DOCK3: variants seen among roughly 807,000 people sequenced by gnomAD.
DOCK3 encodes the protein dedicator of cytokinesis 3.
In DOCK3, 60 loss-of-function variants were observed where a neutral mutation model predicts 265.6. That is an observed-to-expected ratio of 0.23 (90% CI 0.18 to 0.28). The LOEUF (loss-of-function observed/expected upper bound fraction) is 0.28. DOCK3 is among the 10% of genes least tolerant of loss of function. The probability of loss-of-function intolerance (pLI) is 1.00; values close to 1 mark genes in which losing one functional copy is unlikely to be tolerated. For missense variants in DOCK3, 1,981 were observed against 2,594.3 expected, an observed-to-expected ratio of 0.76 and a Z score of 5.14; for synonymous variants, 881 against 938.0, an observed-to-expected ratio of 0.94 and a Z score of 1.11.
chr3:51,307,505 T>C (rs2082749892), intron 27 of DOCK3, among the ~76,000 whole-genome samples: 1 of 152,206 alleles, frequency 6.6e-6, no homozygotes, highest in Non-Finnish European at 1.5e-5. Context: ...ACTGAACAGA[T>C]ATTTTCTTAA....
intron 1 of DOCK3, among the ~76,000 whole-genome samples, chr3:50,705,499 T>G (rs2107855970): frequency 6.6e-6 from 1 of 152,274 alleles, no homozygotes; most frequent in South Asian, 2.1e-4. Flanking sequence ...CACTGCAACC[T>G]CCGCCTGCTG....
intron 10 of DOCK3, among the ~76,000 whole-genome samples, chr3:51,151,288 A>G (rs1366556362): frequency 6.6e-6 from 1 of 152,130 alleles, no homozygotes; most frequent in East Asian, 1.9e-4. Flanking sequence ...GTGTCTTTTA[A>G]TTGGGGCATT....
chr3:50,981,227 A>G (rs1207471069), intron 5 of DOCK3, among the ~76,000 whole-genome samples: 4 of 152,164 alleles, frequency 2.6e-5, no homozygotes, highest in Non-Finnish European at 5.9e-5. Flanking sequence ...GAGCATGTTT[A>G]ATTTGCATGT....
At chr3:50,949,074 C>T (rs1425172160) in intron 5 of DOCK3, among the ~76,000 whole-genome samples, 2 of 152,174 alleles carry the variant, frequency 1.3e-5, no homozygotes, top group Middle Eastern at 3.4e-3. Flanking sequence ...TACCTTACAC[C>T]ATGTACTAGA....
intron 19 of DOCK3, among the ~76,000 whole-genome samples, chr3:51,235,599 C>T (rs2355943): frequency 0.82 from 125,104 of 152,092 alleles, 52,040 homozygotes; most frequent in Middle Eastern, 0.9. Context: ...ATCATTATTA[C>T]CCCTATCTAC....
chr3:51,159,111 A>G (rs945362068), intron 10 of DOCK3, 133 bp from the exon 11 acceptor site: 4 of 674,836 alleles, frequency 5.9e-6, no homozygotes, highest in Non-Finnish European at 9.9e-6. Flanking sequence ...ATAAACCATT[A>G]AAGTGCTATA....
intron 9 of DOCK3, among the ~76,000 whole-genome samples, chr3:51,100,943 C>T (rs1200977991): frequency 4.6e-5 from 7 of 151,172 alleles, no homozygotes; most frequent in Non-Finnish European, 8.8e-5. Flanking sequence ...TACAGGTGCA[C>T]GCCACCACGC....
At chr3:50,975,045 G>C (rs1052160624) in intron 5 of DOCK3, among the ~76,000 whole-genome samples, 1 of 151,674 alleles carries the variant, frequency 6.6e-6, no homozygotes, top group Non-Finnish European at 1.5e-5. Flanking sequence ...TTTGGGCTGA[G>C]ACAGTGGGAT....
At chr3:50,877,471 A>T (rs1559756829) in intron 3 of DOCK3, 2 of 520,082 alleles carry the variant, frequency 3.8e-6, no homozygotes, top group Admixed American at 1.9e-5. Flanking sequence ...GCCAAATCAG[A>T]ATTTATTTCA....
At chr3:50,901,744 C>G (rs1317844190) in intron 4 of DOCK3, 1 of 451,734 alleles carries the variant, frequency 2.2e-6, no homozygotes, top group Admixed American at 2.4e-5. Context: ...GACCCTCTTG[C>G]TCTTGCTGGG....
chr3:51,144,967 T>TA (rs1355713404), intron 9 of DOCK3, among the ~76,000 whole-genome samples: 1 of 152,174 alleles, frequency 6.6e-6, no homozygotes, highest in Non-Finnish European at 1.5e-5. Flanking sequence ...GAGGTGGGAA[T>TA]GAGATTCTGC....
intron 22 of DOCK3, among the ~76,000 whole-genome samples, chr3:51,252,010 C>G (rs2079273784): frequency 6.6e-6 from 1 of 152,158 alleles, no homozygotes; most frequent in African/African-American, 2.4e-5. Context: ...ACATTTAAGT[C>G]TTTAATCCAT....
At chr3:50,703,126 C>T (rs1453930682) in intron 1 of DOCK3, among the ~76,000 whole-genome samples, 4 of 151,946 alleles carry the variant, frequency 2.6e-5, no homozygotes, top group South Asian at 2.1e-4. Flanking sequence ...TTCATTTTGT[C>T]GATGTGATAT....
At chr3:51,101,005 A>G (rs893383700) in intron 9 of DOCK3, among the ~76,000 whole-genome samples, 1 of 149,786 alleles carries the variant, frequency 6.7e-6, no homozygotes, top group Non-Finnish European at 1.5e-5. Context: ...ACATCTTGCT[A>G]TGTTGCCCAG....
rs1476538320 is a variant in DOCK3 at position 50,890,273 on chromosome 3, A to T, written c.218+192A>T. Among the ~76,000 whole-genome samples the T allele has an allele frequency of 2.0e-5, 3 of 152,094 alleles. No homozygotes were observed. The East Asian group carries it at 5.8e-4, about 29-fold the overall frequency. ...CAGACTTTAATCTGTTTTCTTGTAT[A>T]CGGAAGAAATGATGTTAGCTGTGAA... On this transcript the variant is annotated intron_variant, in intron 4 of 52. Transcript: ENST00000266037.
intron 1 of DOCK3, among the ~76,000 whole-genome samples, chr3:50,688,336 C>T (rs1381283420): frequency 2.6e-4 from 40 of 152,106 alleles, no homozygotes; most frequent in Admixed American, 2.6e-3. Flanking sequence ...TGTGGTGAGA[C>T]AGTTTTGAAG....
rs188341483 is a variant in DOCK3 at position 51,204,951 on chromosome 3, G to T, written c.1038-3823G>T. Among the ~76,000 whole-genome samples, 27 of 151,928 alleles carry T rather than the reference G, an allele frequency of 1.8e-4. No homozygotes were observed. In the East Asian group the frequency reaches 5.2e-3, roughly 30 times the overall value. On this transcript the variant is annotated intron_variant, in intron 12 of 52. Coordinates refer to ENST00000266037, the MANE Select transcript of DOCK3 (RefSeq NM_004947.5). ...AAACACCGCATGTTCTCACTCATAG[G>T]TGGGAATTGAACAATGGGAACACAT...
chr3:51,356,550 T>A, intron 43 of DOCK3, 57 bp downstream of exon 43: 2 of 1,554,434 alleles, frequency 1.3e-6, no homozygotes, highest in Non-Finnish European at 1.8e-6. Flanking sequence ...GCCCCAGCTC[T>A]GGGGGCCCTT....
chr3:51,119,110 C>G (rs1433488787), intron 9 of DOCK3, among the ~76,000 whole-genome samples: 1 of 152,122 alleles, frequency 6.6e-6, no homozygotes, highest in Non-Finnish European at 1.5e-5. Context: ...GTGGCTGATA[C>G]CGGCTTTTCC....
Sources: allele counts gnomAD v4.1 joint callset (sites outside exome capture counted in the v4.1 genomes callset), GRCh38; gene constraint gnomAD v4.1.1; transcripts MANE v1.5; gene names NCBI Gene and HGNC (gene_info 2026-07-23, HGNC 2026-07-21).